The following EPHA6 variants were observed in gnomAD, a reference collection of about 807,000 sequenced individuals.
EPHA6 encodes ephrin type-A receptor 6.
Under a neutral mutation model 112.0 loss-of-function variants are expected in EPHA6, and 50 were observed. That is an observed-to-expected ratio of 0.45 (90% CI 0.36 to 0.56). The LOEUF (loss-of-function observed/expected upper bound fraction) is 0.56, where lower values mean the gene tolerates loss of function less well. Among genes scored for constraint, EPHA6 ranks in the 20% least tolerant of loss-of-function variants. EPHA6 has a pLI of 0.00. For missense variants in EPHA6, 1,280 were observed against 1,417.4 expected (o/e 0.90, Z 1.56); for synonymous variants, 529 against 490.7 (o/e 1.08, Z -1.03).
At chr3:96,953,237 A>C (rs541454557) in intron 2 of EPHA6, among the ~76,000 whole-genome samples, 6 of 152,296 alleles carry the variant, frequency 3.9e-5, no homozygotes, top group Admixed American at 6.5e-5. Context: ...GTTAAAAATA[A>C]AGATGAAAAA....
intron 12 of EPHA6, among the ~76,000 whole-genome samples, chr3:97,595,126 T>G (rs2093576699): frequency 6.6e-6 from 1 of 152,198 alleles, no homozygotes; most frequent in Non-Finnish European, 1.5e-5. Context: ...AATCACAGAT[T>G]CATTGAATCA....
intron 2 of EPHA6, among the ~76,000 whole-genome samples, chr3:96,906,519 A>G (rs1025220231): frequency 6.6e-6 from 1 of 152,076 alleles, no homozygotes; most frequent in Non-Finnish European, 1.5e-5. Flanking sequence ...AACTCATTGT[A>G]TTACAGATAA....
intron 3 of EPHA6, among the ~76,000 whole-genome samples, chr3:97,159,850 T>C (rs1187889101): frequency 6.6e-6 from 1 of 152,186 alleles, no homozygotes. Context: ...GGCAGAAGTA[T>C]TGCATGTAAG....
intron 6 of EPHA6, among the ~76,000 whole-genome samples, chr3:97,430,823 C>T (rs2089458154): frequency 6.6e-6 from 1 of 152,032 alleles, no homozygotes; most frequent in Admixed American, 6.6e-5. Context: ...AGTTAACAAC[C>T]TATTATTATG....
chr3:97,629,081 C>A (rs1226327813), intron 13 of EPHA6, among the ~76,000 whole-genome samples: 1 of 151,918 alleles, frequency 6.6e-6, no homozygotes, highest in African/African-American at 2.4e-5. Flanking sequence ...CAGGCATACA[C>A]CACCGCGCTA....
intron 12 of EPHA6, among the ~76,000 whole-genome samples, chr3:97,601,256 C>G (rs2093640949): frequency 6.6e-6 from 1 of 152,080 alleles, no homozygotes; most frequent in Non-Finnish European, 1.5e-5. Context: ...AAAATCTTTC[C>G]ATGGCTTGCT....
At chr3:96,937,645 T>G (rs192718525) in intron 2 of EPHA6, among the ~76,000 whole-genome samples, 1 of 152,142 alleles carries the variant, frequency 6.6e-6, no homozygotes, top group Non-Finnish European at 1.5e-5. Context: ...ACTTTTGTTG[T>G]CATTGCTTGT....
chr3:96,990,485 A>G (rs2043174600), intron 3 of EPHA6, among the ~76,000 whole-genome samples: 3 of 152,184 alleles, frequency 2.0e-5, no homozygotes, highest in Admixed American at 1.3e-4. Context: ...TTCTATATCT[A>G]TGGCTTACAA....
rs529298701 is a variant in EPHA6, at chr3:97,223,334, G to A, written c.1115-2930G>A. On this transcript the variant is annotated intron_variant, in intron 3 of 17. Transcript: ENST00000389672. ...GCATAATATGAAATATTGCAGCAGG[G>A]TGTAGCAGGAAGCAGGGAAGGCTTC... is the stretch of plus-strand genomic sequence containing the variant. Among the ~76,000 whole-genome samples the A allele has an allele frequency of 2.8e-4, 43 of 152,274 alleles. No individual in the cohort carries two copies. In the South Asian group the frequency reaches 8.7e-3, roughly 31 times the overall value.
intron 1 of EPHA6, among the ~76,000 whole-genome samples, chr3:96,863,575 T>C (rs966107072): frequency 6.6e-6 from 1 of 152,028 alleles, no homozygotes; most frequent in Admixed American, 6.6e-5. Context: ...AGGTCAATCT[T>C]GTTTCTGGAA....
intron 1 of EPHA6, among the ~76,000 whole-genome samples, chr3:96,858,463 G>A (rs1369301620): frequency 2.0e-5 from 3 of 152,092 alleles, no homozygotes; most frequent in Non-Finnish European, 4.4e-5. Flanking sequence ...ATAGAAGTTG[G>A]AGATTTAGGA....
chr3:96,856,567 G>A (rs1300761485), intron 1 of EPHA6, among the ~76,000 whole-genome samples: 1 of 152,228 alleles, frequency 6.6e-6, no homozygotes, highest in East Asian at 1.9e-4. Context: ...TTTGCAAATA[G>A]TGTCTTAAAT....
intron 11 of EPHA6, among the ~76,000 whole-genome samples, chr3:97,569,122 G>A (rs990631329): frequency 6.6e-6 from 1 of 152,128 alleles, no homozygotes; most frequent in Admixed American, 6.5e-5. Flanking sequence ...GGGCTTGGGA[G>A]CCTACTAAAG....
chr3:97,384,258 A>G (rs1168847863), intron 5 of EPHA6, among the ~76,000 whole-genome samples: 3 of 152,212 alleles, frequency 2.0e-5, no homozygotes, highest in Admixed American at 1.3e-4. Context: ...GTTGGATATT[A>G]TATTATTATT....
chr3:97,680,849 C>A (rs564012828), intron 14 of EPHA6, among the ~76,000 whole-genome samples: 2 of 152,276 alleles, frequency 1.3e-5, no homozygotes, highest in South Asian at 4.1e-4. Flanking sequence ...ATTAAAAGTA[C>A]TTTTTACAAA....
intron 11 of EPHA6, among the ~76,000 whole-genome samples, chr3:97,577,215 G>A (rs1399546364): frequency 6.6e-6 from 1 of 152,070 alleles, no homozygotes; most frequent in African/African-American, 2.4e-5. Flanking sequence ...GATTGAAAGT[G>A]AAATTGTAAA....
chr3:97,159,379 G>T (rs530703821), intron 3 of EPHA6, among the ~76,000 whole-genome samples: 1 of 152,202 alleles, frequency 6.6e-6, no homozygotes, highest in Non-Finnish European at 1.5e-5. Flanking sequence ...TATGTTGGTG[G>T]AAGTATTCCT....
At chr3:97,017,483 G>T (rs928943863) in intron 3 of EPHA6, among the ~76,000 whole-genome samples, 1 of 152,144 alleles carries the variant, frequency 6.6e-6, no homozygotes, top group Non-Finnish European at 1.5e-5. Context: ...AGTCTCACCC[G>T]CACATGCTAA....
At chr3:97,584,382 A>AGAT (rs2093468966) in intron 11 of EPHA6, among the ~76,000 whole-genome samples, 1 of 152,144 alleles carries the variant, frequency 6.6e-6, no homozygotes, top group Non-Finnish European at 1.5e-5. Context: ...ATCATCCAAG[A>AGAT]GATGTATTTT....
Sources: allele counts gnomAD v4.1 joint callset (sites outside exome capture counted in the v4.1 genomes callset), GRCh38; gene constraint gnomAD v4.1.1; transcripts MANE v1.5; gene names NCBI Gene and HGNC (gene_info 2026-07-23, HGNC 2026-07-21).